ALK: variants seen among roughly 807,000 people sequenced by gnomAD.
ALK encodes the protein ALK receptor tyrosine kinase.
Under a neutral mutation model 163.1 loss-of-function variants are expected in ALK, and 74 were observed. The observed-to-expected ratio is 0.45, with a 90% CI of 0.38 to 0.55. The LOEUF is 0.55. Ranked by LOEUF, ALK falls within the 20% of genes least tolerant of loss-of-function variation. The pLI, the probability that ALK is intolerant of heterozygous loss-of-function variation, is 0.00. For missense variants in ALK, 2,063 were observed against 2,105.3 expected, an observed-to-expected ratio of 0.98 and a Z score of 0.39; for synonymous variants, 960 against 843.2, an observed-to-expected ratio of 1.14 and a Z score of -2.40.
chr2:29,845,547 G>C (rs1212834632), intron 1 of ALK, among the ~76,000 whole-genome samples: 1 of 152,042 alleles, frequency 6.6e-6, no homozygotes, highest in Non-Finnish European at 1.5e-5. Context: ...CGATTCTCCT[G>C]CCTCAGCCTC....
At chr2:29,788,033 C>CA (rs202020233) in intron 1 of ALK, among the ~76,000 whole-genome samples, 2,079 of 151,790 alleles carry the variant, frequency 0.014, 22 homozygotes, top group Middle Eastern at 0.038. Context: ...TGTATAAAGG[C>CA]AAAAAAAAGT....
chr2:29,850,212 G>C (rs970232360), intron 1 of ALK, among the ~76,000 whole-genome samples: 3 of 152,182 alleles, frequency 2.0e-5, no homozygotes, highest in African/African-American at 7.2e-5. Context: ...ATCACGCTGG[G>C]AAGCTAGAAA....
chr2:29,516,890 A>C (rs981216893), intron 4 of ALK, among the ~76,000 whole-genome samples: 6 of 152,246 alleles, frequency 3.9e-5, no homozygotes, highest in Non-Finnish European at 7.3e-5. Flanking sequence ...CTTGTTTTCT[A>C]TCTCTGGTCA....
chr2:29,910,968 A>AAACAAC (rs374826747), intron 1 of ALK, among the ~76,000 whole-genome samples: 1 of 151,916 alleles, frequency 6.6e-6, no homozygotes, highest in African/African-American at 2.4e-5. Flanking sequence ...ACTCTGGACG[A>AAACAAC]AACAACAACA....
At chr2:29,834,880 C>T (rs909614512) in intron 1 of ALK, among the ~76,000 whole-genome samples, 2 of 152,184 alleles carry the variant, frequency 1.3e-5, no homozygotes, top group African/African-American at 4.8e-5. Flanking sequence ...GAATCACACA[C>T]CTTCACTTCA....
In ALK at chr2:29,233,228, G is replaced by C. The variant is rs113824128; in HGVS notation, c.2487+337C>G. On this transcript the variant is annotated intron_variant, in intron 14 of 28. Coordinates refer to ENST00000389048, the MANE Select transcript of ALK (RefSeq NM_004304.5). ...CGTGATGACAGCTCATTGTAGCCTT[G>C]AACTCCTGGGTTCAAATGATCCTCC... Among the ~76,000 whole-genome samples, 140 of 152,218 alleles carry C rather than the reference G, an allele frequency of 9.2e-4. 2 individuals are homozygous for C. Among genetic ancestry groups the C allele is most frequent in the African/African-American group, 3.2e-3 (132 of 41,514 alleles).
intron 4 of ALK, among the ~76,000 whole-genome samples, chr2:29,476,960 C>T (rs143373639): frequency 6.9e-4 from 105 of 152,294 alleles, no homozygotes; most frequent in African/African-American, 2.4e-3. Context: ...CCATGCACCT[C>T]GCCTCACCCT....
At chr2:29,462,588 T>C (rs1671111818) in intron 4 of ALK, among the ~76,000 whole-genome samples, 1 of 152,196 alleles carries the variant, frequency 6.6e-6, no homozygotes, top group African/African-American at 2.4e-5. Flanking sequence ...TGTACATTTT[T>C]TAGACATAAT....
At chr2:29,271,547 C>T (rs1665385365) in intron 11 of ALK, among the ~76,000 whole-genome samples, 1 of 152,192 alleles carries the variant, frequency 6.6e-6, no homozygotes, top group Non-Finnish European at 1.5e-5. Context: ...GGGACTTGGA[C>T]ACTGTCTACT....
intron 4 of ALK, among the ~76,000 whole-genome samples, chr2:29,419,060 T>C (rs1334963291): frequency 6.6e-6 from 1 of 151,374 alleles, no homozygotes; most frequent in Non-Finnish European, 1.5e-5. Context: ...TTTATTTTAC[T>C]TTATTTTATT....
chr2:29,481,080 G>T (rs1460108279), intron 4 of ALK, among the ~76,000 whole-genome samples: 6 of 152,180 alleles, frequency 3.9e-5, no homozygotes, highest in African/African-American at 1.4e-4. Flanking sequence ...TGTGTTTGAG[G>T]ACCAGCTTCA....
intron 1 of ALK, among the ~76,000 whole-genome samples, chr2:29,763,606 G>A (rs1193529606): frequency 6.6e-6 from 1 of 152,198 alleles, no homozygotes; most frequent in Non-Finnish European, 1.5e-5. Context: ...GCCTCTTGAG[G>A]AGCTCATGCA....
chr2:29,406,535 T>G (rs954643821), intron 4 of ALK, among the ~76,000 whole-genome samples: 1 of 152,182 alleles, frequency 6.6e-6, no homozygotes, highest in Admixed American at 6.5e-5. Flanking sequence ...CGATTGCTGA[T>G]TGTACCTGTG....
At chr2:29,700,474 G>A (rs1359738597) in intron 2 of ALK, among the ~76,000 whole-genome samples, 1 of 152,290 alleles carries the variant, frequency 6.6e-6, no homozygotes, top group Non-Finnish European at 1.5e-5. Flanking sequence ...AACCCGGGAG[G>A]CGGAGGGTGC....
At chr2:29,325,606 G>A (rs1369857471) in intron 6 of ALK, among the ~76,000 whole-genome samples, 2 of 152,200 alleles carry the variant, frequency 1.3e-5, no homozygotes, top group Admixed American at 6.5e-5. Flanking sequence ...TCATAGCTAA[G>A]TGCTGGAAGC....
rs1477125972 is a variant in ALK, at chr2:29,664,835, C to T, written c.952+30015G>A. On this transcript the variant is annotated intron_variant, in intron 3 of 28. Transcript: ENST00000389048. The stretch of plus-strand genomic sequence containing the variant: ...CTTCGTCCTCACAACTTAGGGCTGA[C>T]ATGATTACTATAATAGTCTTCCATA... 3.9e-5 allele frequency among the ~76,000 whole-genome samples: 6 copies of T among 152,194 alleles called. No homozygotes were observed. The East Asian group carries it at 9.7e-4, about 25-fold the overall frequency.
At position 29,339,013 on chromosome 2, in the gene ALK, C is replaced by T. The variant is rs555870189; in HGVS notation, c.1283-10532G>A. Among the ~76,000 whole-genome samples the T allele has an allele frequency of 3.3e-4, 51 of 152,256 alleles. 1 individual carries two copies. The highest frequency in any genetic ancestry group is 2.5e-3 in the Admixed American group (39 of 15,300). ...ATCCCAGCACTTTGGGAGGCTGAGGCGGGCGGATCACCTGAGGTGGGGAGT... is the reference window on the plus strand; with the variant it reads ...ATCCCAGCACTTTGGGAGGCTGAGGTGGGCGGATCACCTGAGGTGGGGAGT... On this transcript the variant is annotated intron_variant, in intron 5 of 28. Coordinates refer to ENST00000389048, the MANE Select transcript of ALK (RefSeq NM_004304.5).
chr2:29,374,601 A>C (rs17008007), intron 5 of ALK, among the ~76,000 whole-genome samples: 12,662 of 152,254 alleles, frequency 0.083, 581 homozygotes, highest in Non-Finnish European at 0.11. Context: ...GGAGACTTAG[A>C]GAAAATACTA....
At chr2:29,238,820 T>A (rs562330055) in intron 13 of ALK, among the ~76,000 whole-genome samples, 138 of 152,298 alleles carry the variant, frequency 9.1e-4, no homozygotes, top group South Asian at 1.7e-3. Context: ...ATAAAAATGA[T>A]AAAGTGCAGC....
Sources: gnomAD v4.1 joint callset for allele counts (sites outside exome capture counted in the v4.1 genomes callset) on GRCh38, gnomAD v4.1.1 for gene constraint, MANE v1.5 for transcripts, NCBI Gene and HGNC (gene_info 2026-07-23, HGNC 2026-07-21) for gene names.